The following KIAA0319 variants were observed in gnomAD, a reference collection of about 807,000 sequenced individuals.
KIAA0319 encodes dyslexia-associated protein KIAA0319.
In KIAA0319, 83 loss-of-function variants were observed where a neutral mutation model predicts 108.4. The observed-to-expected ratio is 0.77, with a 90% CI of 0.64 to 0.92. The LOEUF (loss-of-function observed/expected upper bound fraction) is 0.92. KIAA0319 is among the 40% of genes least tolerant of loss of function. The pLI, the probability that KIAA0319 is intolerant of heterozygous loss-of-function variation, is 0.00. For synonymous variants in KIAA0319, 484 were observed against 510.4 expected (o/e 0.95, Z 0.70); for missense variants, 1,195 against 1,322.4 (o/e 0.90, Z 1.49).
chr6:24,635,040 C>A (rs1776021353), intron 1 of KIAA0319, among the ~76,000 whole-genome samples: 1 of 151,876 alleles, frequency 6.6e-6, no homozygotes. Flanking sequence ...ACCTGTGGAG[C>A]TATTTAATTT....
At chr6:24,619,721 T>C (rs925336643) in intron 1 of KIAA0319, among the ~76,000 whole-genome samples, 4 of 152,134 alleles carry the variant, frequency 2.6e-5, no homozygotes, top group Non-Finnish European at 4.4e-5. Context: ...AAATGGCCTA[T>C]TTTCAAAATA....
chr6:24,642,589 C>T (rs376655444), intron 1 of KIAA0319, among the ~76,000 whole-genome samples: 31 of 152,316 alleles, frequency 2.0e-4, no homozygotes, highest in African/African-American at 5.3e-4. Context: ...AATTTACCCT[C>T]CATGCTTATA....
In KIAA0319 at chr6:24,566,693, G is replaced by A; in HGVS notation, c.2196C>T (p.Pro732=). 1 of 1,613,458 alleles carries A rather than the reference G, an allele frequency of 6.2e-7. No homozygotes were observed. Among genetic ancestry groups the A allele is most frequent in the East Asian group, 2.2e-5 (1 of 44,832 alleles). Residue 732 remains proline, a synonymous_variant, in exon 14 of 21, where the codon CCC becomes CCT. Coordinates refer to ENST00000378214, the MANE Select transcript of KIAA0319 (RefSeq NM_014809.4). The part of the protein sequence containing the change: ...RAGGRHVLVL[P]NNSITLDGSR... Reference sequence around the variant, plus strand: ...AACCATCCAAAGTAATGGAATTATTGGGAAGCACAAGAACATGTCTGCCAC... The same window carrying A: ...AACCATCCAAAGTAATGGAATTATTAGGAAGCACAAGAACATGTCTGCCAC...
intron 1 of KIAA0319, among the ~76,000 whole-genome samples, chr6:24,616,215 T>C (rs1773121165): frequency 1.3e-5 from 2 of 152,202 alleles, no homozygotes; most frequent in South Asian, 4.2e-4. Flanking sequence ...AAAACCCAAT[T>C]AATAATGTAA....
chr6:24,551,520 T>C lies in KIAA0319; in HGVS notation c.2954A>G (p.Lys985Arg). Residue 985 changes from lysine (K) to arginine (R), a missense_variant, in exon 20 of 21, where the codon AAA (lysine) becomes AGA (arginine). Physicochemically the swap from Lys to Arg is conservative, Grantham distance 26 (BLOSUM62 2). Transcript: ENST00000378214. ...TGTTTTTTTCCTGATTTTAGTCCTT[T>C]TTTGTCTGAAAGGAACAATGAAAAG... ...WLCICCCKRQ[K>R]RTKIRKKTKY... is the part of the protein sequence containing the mutation. The C allele has an allele frequency of 6.2e-7, 1 of 1,600,146 alleles. No homozygotes were observed. The highest frequency in any genetic ancestry group is 8.6e-7 in the Non-Finnish European group (1 of 1,167,114).
intron 5 of KIAA0319, chr6:24,583,004 T>C: frequency 1.1e-6 from 1 of 890,128 alleles, no homozygotes; most frequent in Non-Finnish European, 1.3e-6. Flanking sequence ...GAGAAAAAAA[T>C]GAATTAAGGA....
chr6:24,564,250 T>C lies in KIAA0319; in HGVS notation c.2383A>G (p.Ser795Gly). The C allele has an allele frequency of 1.9e-6, 3 of 1,614,154 alleles. No homozygotes were observed. Among genetic ancestry groups the C allele is most frequent in the Non-Finnish European group, 1.7e-6 (2 of 1,180,012 alleles). ...GTGTCTGTGTCCGAGGCCCCCTGACTGTCGGTGACTCGCAAGTGGAAAGTG... is the reference window on the plus strand; with the variant it reads ...GTGTCTGTGTCCGAGGCCCCCTGACCGTCGGTGACTCGCAAGTGGAAAGTG... ...VYTFHLRVTD[S>G]QGASDTDTAT... is the part of the protein sequence containing the mutation. Residue 795 changes from serine to glycine, a missense_variant, in exon 15 of 21, where the codon AGT (serine) becomes GGT (glycine). Physicochemically the swap from Ser to Gly is moderately conservative, Grantham distance 56. Transcript: ENST00000378214.
chr6:24,598,288 G>A (rs557367637), intron 2 of KIAA0319: 641 of 649,780 alleles, frequency 9.9e-4, no homozygotes, highest in Non-Finnish European at 1.2e-3. Context: ...CAACATCCAG[G>A]CCATGTGCAC....
chr6:24,593,386 C>CTTTTTTTTTT (rs58826962), intron 3 of KIAA0319, among the ~76,000 whole-genome samples: 1 of 79,360 alleles, frequency 1.3e-5, no homozygotes, highest in Non-Finnish European at 2.4e-5. Flanking sequence ...GAATAATTAT[C>CTTTTTTTTTT]TTTTTTTTTT....
At chr6:24,577,224 T>G (rs1484784570) in intron 9 of KIAA0319, among the ~76,000 whole-genome samples, 2 of 152,142 alleles carry the variant, frequency 1.3e-5, no homozygotes, top group African/African-American at 2.4e-5. Context: ...CAGATGCCAC[T>G]CTCTTAACGG....
chr6:24,567,205 T>A (rs1454942719), intron 13 of KIAA0319, among the ~76,000 whole-genome samples: 3 of 151,542 alleles, frequency 2.0e-5, no homozygotes, highest in Admixed American at 6.6e-5. Flanking sequence ...AAAAAAAAAA[T>A]TTGAGTAAAA....
At chr6:24,621,441 G>A (rs977951487) in intron 1 of KIAA0319, among the ~76,000 whole-genome samples, 1 of 152,124 alleles carries the variant, frequency 6.6e-6, no homozygotes, top group Non-Finnish European at 1.5e-5. Flanking sequence ...CATTATTCCA[G>A]GGGACATCCA....
At chr6:24,643,447 T>C (rs1356979939) in intron 1 of KIAA0319, among the ~76,000 whole-genome samples, 1 of 152,058 alleles carries the variant, frequency 6.6e-6, no homozygotes, top group African/African-American at 2.4e-5. Flanking sequence ...TAAAAACAAA[T>C]AGAAAAATAA....
At chr6:24,562,238 T>G (rs1206676088) in intron 16 of KIAA0319, among the ~76,000 whole-genome samples, 2 of 152,258 alleles carry the variant, frequency 1.3e-5, no homozygotes, top group Non-Finnish European at 2.9e-5. Context: ...GCTAAGGATT[T>G]ATCAATTTTG....
At chr6:24,572,106 A>G (rs1764811496) in intron 11 of KIAA0319, among the ~76,000 whole-genome samples, 1 of 152,254 alleles carries the variant, frequency 6.6e-6, no homozygotes, top group African/African-American at 2.4e-5. Flanking sequence ...ACTCTTCTAG[A>G]AAAGTTCTAA....
At chr6:24,569,224 C>T (rs957054163) in intron 12 of KIAA0319, among the ~76,000 whole-genome samples, 2 of 152,288 alleles carry the variant, frequency 1.3e-5, no homozygotes, top group South Asian at 4.1e-4. Context: ...TTAGAAACGA[C>T]TCCCATTTCT....
chr6:24,635,053 T>A (rs1462395017), intron 1 of KIAA0319, among the ~76,000 whole-genome samples: 4 of 152,196 alleles, frequency 2.6e-5, no homozygotes, highest in African/African-American at 9.6e-5. Context: ...TTTAATTTTT[T>A]ATCTGTAGCT....
chr6:24,572,918 C>T (rs1764932047), intron 10 of KIAA0319, among the ~76,000 whole-genome samples: 1 of 152,064 alleles, frequency 6.6e-6, no homozygotes, highest in African/African-American at 2.4e-5. Flanking sequence ...GAGTTCGAGA[C>T]CAGCCTGGCC....
chr6:24,619,642 C>T (rs952352292), intron 1 of KIAA0319, among the ~76,000 whole-genome samples: 1 of 151,732 alleles, frequency 6.6e-6, no homozygotes, highest in African/African-American at 2.4e-5. Flanking sequence ...GAGTGAGTGA[C>T]AATGGAAAAG....
Sources: gnomAD v4.1 joint callset for allele counts (sites outside exome capture counted in the v4.1 genomes callset) on GRCh38, gnomAD v4.1.1 for gene constraint, MANE v1.5 for transcripts, NCBI Gene and HGNC (gene_info 2026-07-23, HGNC 2026-07-21) for gene names.